AMER1: variants seen among roughly 807,000 people sequenced by gnomAD.
AMER1 encodes APC membrane recruitment protein 1.
A neutral mutation model predicts 53.0 loss-of-function variants in AMER1; 16 were observed. The ratio of observed to expected loss-of-function variants is 0.30; its 90% confidence interval spans 0.20 to 0.46. The LOEUF is 0.46. Among genes scored for constraint, AMER1 ranks in the 20% least tolerant of loss-of-function variants. The probability of loss-of-function intolerance (pLI) is 1.00; values close to 1 mark genes in which losing one functional copy is unlikely to be tolerated. For synonymous variants in AMER1, 354 were observed against 331.9 expected, an observed-to-expected ratio of 1.07 and a Z score of -0.73; for missense variants, 947 against 884.9, an observed-to-expected ratio of 1.07 and a Z score of -0.89.
chrX:64,195,684 C>T (rs747467354), intron 1 of AMER1, among the ~76,000 whole-genome samples: 1 of 112,302 alleles, frequency 8.9e-6, no homozygotes, highest in South Asian at 3.8e-4. Flanking sequence ...AGATGGAACA[C>T]TTTTATCCCA....
In AMER1 at chrX:64,189,793, A is replaced by ACGGGGGGGGCCCCCCCCCCCC; in HGVS notation, c.*85_*86insGGGGGGGGGGGGCCCCCCCCG. ...CAAAGGGTTTTCAAGTTAAACAACAACCCCCACCCCCCCACCCTTCTGCCC... is the reference window on the plus strand; with the variant it reads ...CAAAGGGTTTTCAAGTTAAACAACAACGGGGGGGGCCCCCCCCCCCCCCCCCACCCCCCCACCCTTCTGCCC... On this transcript the variant is annotated 3_prime_UTR_variant, in exon 2 of 2. Coordinates refer to ENST00000374869, the MANE Select transcript of AMER1 (RefSeq NM_152424.4). 3.4e-6 allele frequency: 1 copy of ACGGGGGGGGCCCCCCCCCCCC among 292,070 alleles called. No individual in the cohort carries two copies. Among genetic ancestry groups the ACGGGGGGGGCCCCCCCCCCCC allele is most frequent in the Non-Finnish European group, 4.9e-6 (1 of 204,828 alleles). The allele number at this position is 292,070 out of a possible 1,213,427, so 24.1% of individuals were successfully genotyped here.
At position 64,189,792 on chromosome X, in the gene AMER1, A is replaced by AACGGGGCCCCCCCCCCCCCCCCCCCC; in HGVS notation, c.*86_*87insGGGGGGGGGGGGGGGGGGGGCCCCGT. The AACGGGGCCCCCCCCCCCCCCCCCCCC allele has an allele frequency of 1.3e-6, 1 of 746,979 alleles. No individual in the cohort carries two copies. Among genetic ancestry groups the AACGGGGCCCCCCCCCCCCCCCCCCCC allele is most frequent in the East Asian group, 8.5e-5 (1 of 11,770 alleles). 61.6% of individuals were successfully genotyped at this position (746,979 alleles called of 1,213,427 possible). A position where few individuals can be genotyped will look rare whatever the true frequency, so the allele number is the denominator to read the frequency against. ...CCAAAGGGTTTTCAAGTTAAACAAC[A>AACGGGGCCCCCCCCCCCCCCCCCCCC]ACCCCCACCCCCCCACCCTTCTGCC... On this transcript the variant is annotated 3_prime_UTR_variant, in exon 2 of 2. Coordinates refer to ENST00000374869, the MANE Select transcript of AMER1 (RefSeq NM_152424.4).
At chrX:64,204,338 T>C (rs1930550864) in intron 1 of AMER1, among the ~76,000 whole-genome samples, 1 of 113,970 alleles carries the variant, frequency 8.8e-6, no homozygotes, top group South Asian at 3.4e-4. Flanking sequence ...CCCGCGGCCC[T>C]TGCCGAAAGC....
In AMER1 at chrX:64,192,960, A is replaced by T. The variant is rs2147090775; in HGVS notation, c.327T>A (p.Val109=). The T allele has an allele frequency of 8.3e-7, 1 of 1,211,655 alleles. No homozygotes were observed. Among genetic ancestry groups the T allele is most frequent in the Non-Finnish European group, 1.1e-6 (1 of 895,466 alleles). ...GGGAGAAGCCAGTTCCTTCACTGAC[A>T]ACATCTTCAGGGCCATGGGCTGCTT... is the stretch of plus-strand genomic sequence containing the variant. ...LSEAAHGPED[V]VSEGTGFSLP... The change falls in exon 2 of 2, where the codon GTT becomes GTA. Residue 109 remains valine (V), a synonymous_variant. Coordinates refer to ENST00000374869, the MANE Select transcript of AMER1 (RefSeq NM_152424.4).
intron 1 of AMER1, among the ~76,000 whole-genome samples, chrX:64,204,112 G>T (rs1487092541): frequency 5.3e-5 from 6 of 112,623 alleles, no homozygotes; most frequent in Admixed American, 3.7e-4. Flanking sequence ...GGCCTAGAGA[G>T]CCCACTGCCA....
At chrX:64,200,223 A>G (rs957480788) in intron 1 of AMER1, among the ~76,000 whole-genome samples, 1 of 112,616 alleles carries the variant, frequency 8.9e-6, no homozygotes, top group African/African-American at 3.2e-5. Flanking sequence ...GCGAGATCAG[A>G]CAGGTGCCAA....
chrX:64,197,422 C>G (rs1026012612), intron 1 of AMER1, among the ~76,000 whole-genome samples: 1 of 112,826 alleles, frequency 8.9e-6, no homozygotes, highest in Non-Finnish European at 1.9e-5. Context: ...AAAACATAGG[C>G]AGGAGGCCAG....
At chrX:64,202,427 A>C (rs1337340664) in intron 1 of AMER1, among the ~76,000 whole-genome samples, 1 of 111,839 alleles carries the variant, frequency 8.9e-6, no homozygotes, top group African/African-American at 3.3e-5. Context: ...GGAAAGAGCC[A>C]CTGCACGGGA....
In AMER1 at chrX:64,189,799, A is replaced by ACCCCCCCCCCCC; in HGVS notation, c.*79_*80insGGGGGGGGGGGG. On this transcript the variant is annotated 3_prime_UTR_variant, in exon 2 of 2. Transcript: ENST00000374869. Reference sequence around the variant, plus strand: ...GTTTTCAAGTTAAACAACAACCCCCACCCCCCCACCCTTCTGCCCAACCCC... The same window carrying ACCCCCCCCCCCC: ...GTTTTCAAGTTAAACAACAACCCCCACCCCCCCCCCCCCCCCCCCACCCTTCTGCCCAACCCC... 6.4e-5 allele frequency: 8 copies of ACCCCCCCCCCCC among 125,102 alleles called. No individual in the cohort carries two copies. The highest frequency in any genetic ancestry group is 2.2e-4 in the Admixed American group (2 of 9,000). The allele number at this position is 125,102 out of a possible 1,213,427, so 10.3% of individuals were successfully genotyped here.
rs761842441 is a variant in AMER1 at position 64,190,015 on chromosome X, C to T, written c.3272G>A (p.Arg1091Gln). The T allele has an allele frequency of 1.4e-5, 17 of 1,206,742 alleles. No homozygotes were observed. The highest frequency in any genetic ancestry group is 7.1e-5 in the South Asian group (4 of 56,117). The change falls in exon 2 of 2, where the codon CGG (arginine) becomes CAG (glutamine). Residue 1091 changes from arginine (R) to glutamine (Q), a missense_variant. By Grantham distance (43) the Arg-to-Gln change is conservative. Coordinates refer to ENST00000374869, the MANE Select transcript of AMER1 (RefSeq NM_152424.4). ...GGGCTGAGGCTGGGGGTGCTCAGGCCGGACCCTGGGCAGCTGAGGAATGCC... is the reference window on the plus strand; with the variant it reads ...GGGCTGAGGCTGGGGGTGCTCAGGCTGGACCCTGGGCAGCTGAGGAATGCC... ...THGIPQLPRVRPEHPQPQPTH... is the reference protein window; with the variant it reads ...THGIPQLPRVQPEHPQPQPTH...
At chrX:64,198,063 T>A (rs759889786) in intron 1 of AMER1, among the ~76,000 whole-genome samples, 4 of 111,883 alleles carry the variant, frequency 3.6e-5, no homozygotes, top group Non-Finnish European at 5.6e-5. Flanking sequence ...TCACCAAACC[T>A]CCTTGGGGCT....
rs2147090542 is a variant in AMER1 at position 64,192,842 on chromosome X, C to T, written c.445G>A (p.Gly149Arg). 4.1e-6 allele frequency: 5 copies of T among 1,211,959 alleles called. No individual in the cohort carries two copies. Among genetic ancestry groups the T allele is most frequent in the Non-Finnish European group, 5.6e-6 (5 of 895,532 alleles). ...TCAGCCACAGCTTTCTCTGTGGCTCCAGCCACAGATGTCTTACATCTGGAG... is the reference window on the plus strand; with the variant it reads ...TCAGCCACAGCTTTCTCTGTGGCTCTAGCCACAGATGTCTTACATCTGGAG... ...TGSRCKTSVA[G>R]ATEKAVAEKF... The change falls in exon 2 of 2, where the codon GGA becomes AGA. Residue 149 changes from glycine (G) to arginine (R), a missense_variant. Transcript: ENST00000374869.
rs1424300049 is a variant in AMER1, at chrX:64,191,930, G to A, written c.1357C>T (p.Leu453Phe). The A allele has an allele frequency of 8.3e-7, 1 of 1,211,804 alleles. No individual in the cohort carries two copies. The highest frequency in any genetic ancestry group is 1.1e-6 in the Non-Finnish European group (1 of 895,556). Residue 453 changes from leucine (L) to phenylalanine (F), a missense_variant, in exon 2 of 2, where the codon CTT becomes TTT. Physicochemically the swap from Leu to Phe is conservative, Grantham distance 22. Transcript: ENST00000374869. Reference protein sequence around the residue: ...RSYPGLAPGELLTPQSDQQES... With the variant: ...RSYPGLAPGEFLTPQSDQQES... ...TGCTGGTCACTCTGAGGAGTCAAAA[G>A]TTCCCCAGGGGCTAGGCCAGGATAA...
rs2147090286 is a variant in AMER1, at chrX:64,192,730, C to T, written c.557G>A (p.Gly186Glu). ...IRRHRKSKVT[G>E]AEQSEPGAKG... ...GGCCCCTGGCTCACTTTGCTCAGCC[C>T]CAGTGACCTTGCTCTTCCGGTGACG... The change falls in exon 2 of 2, where the codon GGG becomes GAG. Residue 186 changes from glycine (G) to glutamate (E), a missense_variant. Coordinates refer to ENST00000374869, the MANE Select transcript of AMER1 (RefSeq NM_152424.4). 1 of 1,198,837 alleles carries T rather than the reference C, an allele frequency of 8.3e-7. No homozygotes were observed. The highest frequency in any genetic ancestry group is 1.1e-6 in the Non-Finnish European group (1 of 889,184).
intron 1 of AMER1, among the ~76,000 whole-genome samples, chrX:64,204,236 T>C (rs868049382): frequency 5.1e-4 from 58 of 113,293 alleles, no homozygotes; most frequent in African/African-American, 1.8e-3. Context: ...AACAGTGCAG[T>C]GCCCTCTGCC....
chrX:64,186,674 T>C lies in AMER1; in HGVS notation c.*3205A>G. 2.6e-6 allele frequency: 2 copies of C among 774,478 alleles called. No homozygotes were observed. Among genetic ancestry groups the C allele is most frequent in the Non-Finnish European group, 3.1e-6 (2 of 651,081 alleles). 63.8% of individuals were successfully genotyped at this position (774,478 alleles called of 1,213,427 possible). On this transcript the variant is annotated 3_prime_UTR_variant, in exon 2 of 2. Transcript: ENST00000374869. ...CATAGGACTAAGGAGGGAGAGAGACTGGTGTTTACTGAACCCATTATCCGG... is the reference window on the plus strand; with the variant it reads ...CATAGGACTAAGGAGGGAGAGAGACCGGTGTTTACTGAACCCATTATCCGG...
At position 64,198,755 on chromosome X, in the gene AMER1, C is replaced by A. The variant is rs1048664648; in HGVS notation, c.-98-5371G>T. 3.6e-5 allele frequency among the ~76,000 whole-genome samples: 4 copies of A among 111,368 alleles called. No homozygotes were observed. In the Admixed American group the frequency reaches 3.8e-4, roughly 11 times the overall value. On this transcript the variant is annotated intron_variant, in intron 1 of 1. Transcript: ENST00000374869. ...GCTGACATCAGAATCTAGGGGCCAA[C>A]AACCCAGCCTGTGGCTGCTCTCCTC... is the stretch of plus-strand genomic sequence containing the variant.
In AMER1 at chrX:64,191,936, C is replaced by T. The variant is rs111632683; in HGVS notation, c.1351G>A (p.Gly451Arg). ...TCACTCTGAGGAGTCAAAAGTTCCCCAGGGGCTAGGCCAGGATAAGACCTA... is the reference window on the plus strand; with the variant it reads ...TCACTCTGAGGAGTCAAAAGTTCCCTAGGGGCTAGGCCAGGATAAGACCTA... ...PVRSYPGLAP[G>R]ELLTPQSDQQ... The change falls in exon 2 of 2, where the codon GGG (glycine) becomes AGG (arginine). Residue 451 changes from glycine (G) to arginine (R), a missense_variant. Transcript: ENST00000374869. 5 of 1,211,804 alleles carry T rather than the reference C, an allele frequency of 4.1e-6. No individual in the cohort carries two copies. The African/African-American group carries it at 5.2e-5, about 13-fold the overall frequency.
rs200314312 is a variant in AMER1, at chrX:64,192,882, C to T, written c.405G>A (p.Gly135=). Residue 135 remains glycine, a synonymous_variant, in exon 2 of 2, where the codon GGG becomes GGA. Coordinates refer to ENST00000374869, the MANE Select transcript of AMER1 (RefSeq NM_152424.4). ...CQFPSSQSAH[G]ALETGSRCKT... is the part of the protein sequence containing the mutation. ...TACATCTGGAGCCTGTCTCCAAAGC[C>T]CCATGGGCACTCTGAGAGCTGGGAA... 5.8e-6 allele frequency: 7 copies of T among 1,210,437 alleles called. No homozygotes were observed. Among genetic ancestry groups the T allele is most frequent in the Non-Finnish European group, 7.8e-6 (7 of 895,347 alleles).
Sources: gnomAD v4.1 joint callset for allele counts (sites outside exome capture counted in the v4.1 genomes callset) on GRCh38, gnomAD v4.1.1 for gene constraint, MANE v1.5 for transcripts, NCBI Gene and HGNC (gene_info 2026-07-23, HGNC 2026-07-21) for gene names.